Variants in SLK observed in about 807,000 individuals in gnomAD.
The protein encoded by SLK is STE20 like kinase.
Under a neutral mutation model 147.7 loss-of-function variants are expected in SLK, and 67 were observed. The observed-to-expected ratio is 0.45, with a 90% CI of 0.37 to 0.56. SLK has a LOEUF of 0.56. Among genes scored for constraint, SLK ranks in the 20% least tolerant of loss-of-function variants. The probability of loss-of-function intolerance (pLI) is 0.00; values close to 1 mark genes in which losing one functional copy is unlikely to be tolerated. For synonymous variants in SLK, 441 were observed against 475.0 expected, an observed-to-expected ratio of 0.93 and a Z score of 0.93; for missense variants, 1,136 against 1,438.8, an observed-to-expected ratio of 0.79 and a Z score of 3.41.
chr10:104,023,715 C>T (rs2134540579), intron 18 of SLK, among the ~76,000 whole-genome samples: 1 of 152,252 alleles, frequency 6.6e-6, no homozygotes. Context: ...TCTGTATCTG[C>T]TCTCCTTTCT....
chr10:103,975,735 A>C (rs988301575), intron 1 of SLK, among the ~76,000 whole-genome samples: 3 of 152,072 alleles, frequency 2.0e-5, no homozygotes, highest in African/African-American at 7.2e-5. Context: ...ATTATAGTTT[A>C]TCCATTCTGT....
At chr10:104,009,285 A>G (rs562955664) in intron 12 of SLK, among the ~76,000 whole-genome samples, 1 of 152,270 alleles carries the variant, frequency 6.6e-6, no homozygotes, top group South Asian at 2.1e-4. Context: ...CCTCAGCCAA[A>G]CTAATAAATG....
chr10:103,986,399 C>T (rs1200599809), intron 1 of SLK, among the ~76,000 whole-genome samples: 3 of 152,076 alleles, frequency 2.0e-5, no homozygotes, highest in Non-Finnish European at 2.9e-5. Context: ...CTCACATACG[C>T]AGTTCACAAT....
rs1481255755 is a variant in SLK at position 104,003,231 on chromosome 10, G to A, written c.2053G>A (p.Glu685Lys). Residue 685 changes from glutamate to lysine, a missense_variant, in exon 9 of 19, where the codon GAA (glutamate) becomes AAA (lysine). By Grantham distance (56) the Glu-to-Lys change is moderately conservative. This residue lies in a region of SLK where 516 missense variants were observed against 531.3 expected (regional missense o/e 0.97). Coordinates refer to ENST00000369755, the MANE Select transcript of SLK (RefSeq NM_014720.4). ...VTTQIDKEKK[E>K]IPVSIKKEPE... Reference sequence around the variant, plus strand: ...TACTCAGATAGATAAAGAGAAAAAAGAAATTCCAGTGTCAATTAAAAAAGA... The same window carrying A: ...TACTCAGATAGATAAAGAGAAAAAAAAAATTCCAGTGTCAATTAAAAAAGA... The A allele has an allele frequency of 9.9e-6, 16 of 1,611,376 alleles. No individual in the cohort carries two copies. Among genetic ancestry groups the A allele is most frequent in the Non-Finnish European group, 1.3e-5 (15 of 1,179,396 alleles).
intron 1 of SLK, among the ~76,000 whole-genome samples, chr10:103,980,360 C>T (rs185832396): frequency 2.0e-4 from 30 of 152,198 alleles, no homozygotes; most frequent in African/African-American, 6.3e-4. Flanking sequence ...GATTCACCAT[C>T]GTCATGATTT....
intron 1 of SLK, 102 bp from the exon 2 acceptor site, chr10:103,990,573 A>G: frequency 1.6e-6 from 1 of 635,008 alleles, no homozygotes; most frequent in East Asian, 3.4e-5. Flanking sequence ...CTAAACGTAA[A>G]TATGAATTAA....
chr10:104,000,563 C>T (rs1844232152), intron 7 of SLK, among the ~76,000 whole-genome samples: 1 of 152,132 alleles, frequency 6.6e-6, no homozygotes, highest in Non-Finnish European at 1.5e-5. Flanking sequence ...TATTTTGTTA[C>T]CCCCACACTT....
chr10:103,995,677 C>T (rs1351357446), intron 4 of SLK, among the ~76,000 whole-genome samples: 1 of 152,080 alleles, frequency 6.6e-6, no homozygotes, highest in Non-Finnish European at 1.5e-5. Context: ...CTGCCCACTT[C>T]AGCCTCCCAA....
Position 103,967,774 on chromosome 10 carries a change from T to C in SLK, c.29T>C (p.Phe10Ser). MSFFNFRKI[F>S]KLGSEKKKKQ... is the part of the protein sequence containing the mutation. ...TCCTTCTTCAATTTCCGTAAGATCT[T>C]CAAGTTGGGGAGCGAGAAGAAGAAG... is the stretch of plus-strand genomic sequence containing the variant. The change falls in exon 1 of 19, where the codon TTC becomes TCC. Residue 10 changes from phenylalanine to serine, a missense_variant. Phe to Ser is a radical substitution (Grantham distance 155). Around this residue, in one of 6 missense-constraint regions of SLK, gnomAD observed 126 missense variants for 141.3 expected, o/e 0.89. Transcript: ENST00000369755. 6 of 1,614,030 alleles carry C rather than the reference T, an allele frequency of 3.7e-6. No homozygotes were observed. Among genetic ancestry groups the C allele is most frequent in the Non-Finnish European group, 5.1e-6 (6 of 1,179,950 alleles).
At position 104,027,847 on chromosome 10, in the gene SLK, T is replaced by G. The variant is rs1844618378; in HGVS notation, c.*2127T>G. ...TTGACTCAAGGAGAGAGGCTCAGAG[T>G]GGAATGGTTGGCGCTGTGGGTAAGG... is the stretch of plus-strand genomic sequence containing the variant. On this transcript the variant is annotated 3_prime_UTR_variant, in exon 19 of 19. Coordinates refer to ENST00000369755, the MANE Select transcript of SLK (RefSeq NM_014720.4). 1 of 151,964 alleles carries G rather than the reference T, an allele frequency of 6.6e-6. No homozygotes were observed. 9.4% of individuals were successfully genotyped at this position (151,964 alleles called of 1,614,324 possible).
Position 103,994,688 on chromosome 10 carries a change from A to G in SLK, c.514+1555A>G, listed in dbSNP as rs1200738190. On this transcript the variant is annotated intron_variant, in intron 4 of 18. Transcript: ENST00000369755. ...TATGGCATTAAAATTTTATGGGAGG[A>G]GGGATGATGTGAAAAAAATGTTTAA... Among the ~76,000 whole-genome samples, 4 of 152,122 alleles carry G rather than the reference A, an allele frequency of 2.6e-5. No homozygotes were observed. In the East Asian group the frequency reaches 7.7e-4, roughly 29 times the overall value.
Position 104,029,233 on chromosome 10 carries a change from A to G in SLK, c.*3513A>G, listed in dbSNP as rs1426340120. The stretch of plus-strand genomic sequence containing the variant: ...GAAAAATAAAGTTATTTCTTAATCA[A>G]TTTTGGGAAGCAGTCTTTTATTGAG... On this transcript the variant is annotated 3_prime_UTR_variant, in exon 19 of 19. Coordinates refer to ENST00000369755, the MANE Select transcript of SLK (RefSeq NM_014720.4). 2.0e-5 allele frequency: 3 copies of G among 152,192 alleles called. No homozygotes were observed. The highest frequency in any genetic ancestry group is 3.8e-4 in the East Asian group (2 of 5,200). The allele number at this position is 152,192 out of a possible 1,614,324, so 9.4% of individuals were successfully genotyped here.
chr10:103,999,834 T>C (rs200965862), intron 6 of SLK, 33 bp from the exon 7 acceptor site: 1 of 904,404 alleles, frequency 1.1e-6, no homozygotes, highest in African/African-American at 1.7e-5. Context: ...AACAAGAAAG[T>C]AAAATAGAAT....
In SLK at chr10:103,999,217, C is replaced by T; in HGVS notation, c.686C>T (p.Ala229Val). ...CTGGGTATCACTTTAATAGAAATGG[C>T]TGAGATAGAACCACCTCATCATGAA... ...WSLGITLIEM[A>V]EIEPPHHELN... Residue 229 changes from alanine to valine, a missense_variant, in exon 6 of 19, where the codon GCT becomes GTT. Ala to Val is a moderately conservative substitution (Grantham distance 64). Transcript: ENST00000369755. The T allele has an allele frequency of 6.2e-7, 1 of 1,613,618 alleles. No homozygotes were observed. The highest frequency in any genetic ancestry group is 8.5e-7 in the Non-Finnish European group (1 of 1,179,676).
intron 6 of SLK, 124 bp from the exon 7 acceptor site, chr10:103,999,743 T>C: frequency 4.0e-6 from 2 of 506,260 alleles, no homozygotes; most frequent in South Asian, 7.5e-5. Context: ...ATTAACTAGT[T>C]ATTTAAATGT....
Position 103,990,708 on chromosome 10 carries a change from G to A in SLK, c.184G>A (p.Ala62Thr). The A allele has an allele frequency of 6.4e-7, 1 of 1,570,366 alleles. No homozygotes were observed. The highest frequency in any genetic ancestry group is 1.9e-5 in the Admixed American group (1 of 52,592). ...QNKETSVLAA[A>T]KVIDTKSEEE... is the part of the protein sequence containing the mutation. ...TAAAGAGACCAGTGTTTTAGCTGCTGCAAAAGTGATTGACACTAAATCTGA... is the reference window on the plus strand; with the variant it reads ...TAAAGAGACCAGTGTTTTAGCTGCTACAAAAGTGATTGACACTAAATCTGA... The change falls in exon 2 of 19, where the codon GCA becomes ACA. Residue 62 changes from alanine (A) to threonine (T), a missense_variant. This residue lies in a region of SLK where 126 missense variants were observed against 141.3 expected (regional missense o/e 0.89). Transcript: ENST00000369755.
At chr10:103,996,166 T>G (rs902292505) in intron 4 of SLK, among the ~76,000 whole-genome samples, 3 of 152,304 alleles carry the variant, frequency 2.0e-5, no homozygotes, top group Middle Eastern at 3.4e-3. Flanking sequence ...ACCCTTATAG[T>G]TGAAGGTTAG....
intron 1 of SLK, among the ~76,000 whole-genome samples, chr10:103,981,694 T>A (rs1437757214): frequency 6.6e-6 from 1 of 151,784 alleles, no homozygotes; most frequent in Non-Finnish European, 1.5e-5. Context: ...CTCTATTCCA[T>A]TGGTTTATAT....
At chr10:103,996,543 C>T (rs532395939) in intron 4 of SLK, among the ~76,000 whole-genome samples, 37 of 151,812 alleles carry the variant, frequency 2.4e-4, no homozygotes, top group Non-Finnish European at 1.3e-4. Context: ...GGACTACAGG[C>T]GCCCGTCACC....
Sources: gnomAD v4.1 joint callset for allele counts (sites outside exome capture counted in the v4.1 genomes callset) on GRCh38, gnomAD v4.1.1 for gene constraint, gnomAD v4.1.1 regional missense constraint, MANE v1.5 for transcripts, NCBI Gene and HGNC (gene_info 2026-07-23, HGNC 2026-07-21) for gene names.